GDPD1: variants seen among roughly 807,000 people sequenced by gnomAD.
The protein encoded by GDPD1 is lysophospholipase D GDPD1.
Under a neutral mutation model 45.1 loss-of-function variants are expected in GDPD1, and 28 were observed. The observed-to-expected ratio is 0.62, with a 90% CI of 0.46 to 0.85. The LOEUF (loss-of-function observed/expected upper bound fraction) is 0.85. Ranked by LOEUF, GDPD1 falls within the 40% of genes least tolerant of loss-of-function variation. The pLI is 0.00. For missense variants in GDPD1, 256 were observed against 364.8 expected (o/e 0.70, Z 2.43); for synonymous variants, 139 against 131.4 (o/e 1.06, Z -0.40).
Position 59,273,962 on chromosome 17 carries a change from T to A in GDPD1, c.*189T>A, listed in dbSNP as rs2047461964. ...TATATTTATTTTAAATAATATTGTA[T>A]ATTTTATGTTTGTAAATTGTTTAGA... is the stretch of plus-strand genomic sequence containing the variant. On this transcript the variant is annotated 3_prime_UTR_variant, in exon 10 of 10. Transcript: ENST00000284116. 4.0e-6 allele frequency: 3 copies of A among 747,798 alleles called. No homozygotes were observed. Among genetic ancestry groups the A allele is most frequent in the Non-Finnish European group, 4.9e-6 (3 of 606,390 alleles). 46.3% of individuals were successfully genotyped at this position (747,798 alleles called of 1,614,324 possible).
intron 7 of GDPD1, among the ~76,000 whole-genome samples, chr17:59,268,505 G>A (rs2047416199): frequency 6.7e-6 from 1 of 149,674 alleles, no homozygotes; most frequent in Non-Finnish European, 1.5e-5. Flanking sequence ...CGTGAGCCTG[G>A]GAGGCAGAGC....
At position 59,245,519 on chromosome 17, in the gene GDPD1, C is replaced by G. The variant is rs775005303; in HGVS notation, c.291C>G (p.Val97=). The change falls in exon 3 of 10, where the codon GTC becomes GTG. Residue 97 remains valine (V), a synonymous_variant. Coordinates refer to ENST00000284116, the MANE Select transcript of GDPD1 (RefSeq NM_182569.4). ...HDENLKRATG[V]NVNISDLKYC... is the part of the protein sequence containing the mutation. ...AGAATCTAAAGAGAGCAACTGGGGT[C>G]AATGTAAACATCTCTGATCTCAAAT... The G allele has an allele frequency of 6.2e-7, 1 of 1,609,608 alleles. No individual in the cohort carries two copies. The highest frequency in any genetic ancestry group is 1.7e-5 in the Admixed American group (1 of 59,796).
intron 4 of GDPD1, among the ~76,000 whole-genome samples, chr17:59,254,366 A>G (rs961425734): frequency 2.1e-4 from 29 of 138,362 alleles, no homozygotes; most frequent in Non-Finnish European, 3.7e-4. Context: ...GTCTCAAAAA[A>G]AAAAAAAAAA....
chr17:59,239,839 T>C (rs1205700482), intron 2 of GDPD1, among the ~76,000 whole-genome samples: 1 of 151,114 alleles, frequency 6.6e-6, no homozygotes, highest in Non-Finnish European at 1.5e-5. Context: ...GCTCAAGCGA[T>C]CCTCACACTT....
At chr17:59,259,497 G>A (rs2047335961) in intron 6 of GDPD1, among the ~76,000 whole-genome samples, 1 of 146,874 alleles carries the variant, frequency 6.8e-6, no homozygotes, top group Admixed American at 6.9e-5. Flanking sequence ...AACCCGGGAG[G>A]CAGAGCTTGC....
chr17:59,269,484 C>CT (rs560648819), intron 7 of GDPD1, among the ~76,000 whole-genome samples: 1 of 147,338 alleles, frequency 6.8e-6, no homozygotes, highest in African/African-American at 2.5e-5. Context: ...TACCCCCCCC[C>CT]CCAAAAAACA....
intron 6 of GDPD1, among the ~76,000 whole-genome samples, chr17:59,264,828 CTATT>C (rs988702429): frequency 6.6e-5 from 10 of 151,892 alleles, no homozygotes; most frequent in Middle Eastern, 3.2e-3. Flanking sequence ...TAATTTAGAA[CTATT>C]TATTTATTTA....
At chr17:59,254,244 C>G (rs2047278719) in intron 4 of GDPD1, among the ~76,000 whole-genome samples, 1 of 151,690 alleles carries the variant, frequency 6.6e-6, no homozygotes, top group Non-Finnish European at 1.5e-5. Context: ...GCCTGTAATC[C>G]CAGCTACTCT....
chr17:59,260,552 G>T (rs560779137), intron 6 of GDPD1, among the ~76,000 whole-genome samples: 2 of 151,742 alleles, frequency 1.3e-5, no homozygotes, highest in African/African-American at 2.4e-5. Flanking sequence ...AAAAAAAAGT[G>T]TATAAAAATT....
intron 2 of GDPD1, among the ~76,000 whole-genome samples, chr17:59,235,986 A>G (rs2047129087): frequency 6.6e-6 from 1 of 152,206 alleles, no homozygotes; most frequent in South Asian, 2.1e-4. Flanking sequence ...CAACATATAC[A>G]CACACTATCA....
At position 59,220,836 on chromosome 17, in the gene GDPD1, A is replaced by G. The variant is rs1308417035; in HGVS notation, c.142+85A>G. ...CTCCGCAAAAGGCAGCCGGGTGCCA[A>G]TCCCTGAGAGTTTGAGGAAGAATGG... On this transcript the variant is annotated intron_variant, in intron 1 of 9. Transcript: ENST00000284116. The G allele has an allele frequency of 2.3e-5, 33 of 1,456,114 alleles. No homozygotes were observed. In the South Asian group the frequency reaches 3.1e-4, roughly 13 times the overall value. The allele number at this position is 1,456,114 out of a possible 1,614,324, so 90.2% of individuals were successfully genotyped here.
chr17:59,221,468 T>TA (rs1397247117), intron 1 of GDPD1, among the ~76,000 whole-genome samples: 1 of 136,564 alleles, frequency 7.3e-6, no homozygotes, highest in East Asian at 2.1e-4. Context: ...AATAAATAAA[T>TA]AAATAAATAA....
intron 1 of GDPD1, among the ~76,000 whole-genome samples, chr17:59,231,613 A>C (rs1418449226): frequency 6.6e-6 from 1 of 151,978 alleles, no homozygotes; most frequent in Non-Finnish European, 1.5e-5. Context: ...GGCGTGAGCC[A>C]CCGCGCCCAG....
chr17:59,262,639 GTT>G (rs71145546), intron 6 of GDPD1, among the ~76,000 whole-genome samples: 1 of 143,822 alleles, frequency 7.0e-6, no homozygotes. Flanking sequence ...GTTTTTTTTT[GTT>G]TTTTTTTTTT....
At chr17:59,255,675 G>A (rs1352787435) in intron 4 of GDPD1, among the ~76,000 whole-genome samples, 10 of 140,988 alleles carry the variant, frequency 7.1e-5, no homozygotes, top group Admixed American at 4.4e-4. Context: ...CCTGGGAGGC[G>A]GAGGTTGCTG....
intron 7 of GDPD1, among the ~76,000 whole-genome samples, chr17:59,269,485 C>A (rs543316375): frequency 7.0e-6 from 1 of 141,908 alleles, no homozygotes; most frequent in Non-Finnish European, 1.6e-5. Flanking sequence ...ACCCCCCCCC[C>A]CAAAAAACAC....
At chr17:59,240,571 C>T (rs1568341682) in intron 2 of GDPD1, among the ~76,000 whole-genome samples, 1 of 151,902 alleles carries the variant, frequency 6.6e-6, no homozygotes, top group Non-Finnish European at 1.5e-5. Flanking sequence ...TGGGCTCAAG[C>T]GATCCTCCTG....
At chr17:59,259,566 C>CA (rs71367681) in intron 6 of GDPD1, among the ~76,000 whole-genome samples, 2,547 of 24,800 alleles carry the variant, frequency 0.1, 318 homozygotes, top group South Asian at 0.12. Context: ...GACTCTGTCT[C>CA]AAAAAAAAAA....
rs1210399839 is a variant in GDPD1, at chr17:59,273,933, T to A, written c.*160T>A. The A allele has an allele frequency of 1.3e-6, 1 of 794,104 alleles. No homozygotes were observed. Among genetic ancestry groups the A allele is most frequent in the Non-Finnish European group, 1.6e-6 (1 of 638,614 alleles). The allele number at this position is 794,104 out of a possible 1,614,324, so 49.2% of individuals were successfully genotyped here. Reference sequence around the variant, plus strand: ...ATGAGAATGTAGAAACTATATATTATATGTATATTTATTTTAAATAATATT... The same window carrying A: ...ATGAGAATGTAGAAACTATATATTAAATGTATATTTATTTTAAATAATATT... On this transcript the variant is annotated 3_prime_UTR_variant, in exon 10 of 10. Transcript: ENST00000284116.
Sources: allele counts gnomAD v4.1 joint callset (sites outside exome capture counted in the v4.1 genomes callset), GRCh38; gene constraint gnomAD v4.1.1; transcripts MANE v1.5; gene names NCBI Gene and HGNC (gene_info 2026-07-23, HGNC 2026-07-21).